The following CEP128 variants were observed in gnomAD, a reference collection of about 807,000 sequenced individuals.
The protein encoded by CEP128 is centrosomal protein 128.
Under a neutral mutation model 156.7 loss-of-function variants are expected in CEP128, and 132 were observed. The ratio of observed to expected loss-of-function variants is 0.84; its 90% CI spans 0.73 to 0.97. The LOEUF is 0.97. Among genes scored for constraint, CEP128 ranks in the 50% least tolerant of loss-of-function variants. CEP128 has a pLI of 0.00. For missense variants in CEP128, 1,252 were observed against 1,281.9 expected (o/e 0.98, Z 0.36); for synonymous variants, 469 against 448.9 (o/e 1.04, Z -0.57).
At chr14:80,694,378 G>C (rs1454694203) in intron 19 of CEP128, among the ~76,000 whole-genome samples, 1 of 152,066 alleles carries the variant, frequency 6.6e-6, no homozygotes, top group Non-Finnish European at 1.5e-5. Flanking sequence ...AATACAATTT[G>C]ACCCACAAAT....
At chr14:80,571,286 T>C (rs1595023707) in intron 20 of CEP128, among the ~76,000 whole-genome samples, 1 of 152,302 alleles carries the variant, frequency 6.6e-6, no homozygotes, top group East Asian at 1.9e-4. Flanking sequence ...ATTGGTTCTT[T>C]TCTCACAGTG....
intron 19 of CEP128, among the ~76,000 whole-genome samples, chr14:80,651,696 G>A (rs988758534): frequency 6.6e-6 from 1 of 152,050 alleles, no homozygotes; most frequent in Non-Finnish European, 1.5e-5. Context: ...TTCAGGAGCA[G>A]GTTGTTCAGT....
chr14:80,512,336 T>C (rs1888299431), intron 23 of CEP128, among the ~76,000 whole-genome samples: 1 of 152,068 alleles, frequency 6.6e-6, no homozygotes, highest in South Asian at 2.1e-4. Context: ...ACCTTGTCTA[T>C]GATAACCTTG....
chr14:80,533,030 C>G (rs1359933320), intron 21 of CEP128, among the ~76,000 whole-genome samples: 22 of 152,168 alleles, frequency 1.4e-4, no homozygotes, highest in Admixed American at 1.4e-3. Flanking sequence ...CTCACTTACA[C>G]TGCCATGCAT....
At chr14:80,817,045 C>T (rs759979586) in intron 13 of CEP128, among the ~76,000 whole-genome samples, 1 of 150,572 alleles carries the variant, frequency 6.6e-6, no homozygotes, top group Non-Finnish European at 1.5e-5. Flanking sequence ...CAGAATTAGA[C>T]CAACCAAAGC....
intron 13 of CEP128, among the ~76,000 whole-genome samples, chr14:80,817,844 A>G (rs1595449413): frequency 6.6e-6 from 1 of 151,640 alleles, no homozygotes; most frequent in East Asian, 1.9e-4. Flanking sequence ...TCGCGCAACT[A>G]CACTCCAGCC....
intron 19 of CEP128, among the ~76,000 whole-genome samples, chr14:80,620,822 G>T (rs139536900): frequency 5.9e-5 from 9 of 152,282 alleles, no homozygotes; most frequent in African/African-American, 2.2e-4. Context: ...TTTTAAGAGT[G>T]CCTACTAAAA....
chr14:80,846,219 G>T (rs563295491), intron 9 of CEP128, among the ~76,000 whole-genome samples: 1 of 152,250 alleles, frequency 6.6e-6, no homozygotes, highest in African/African-American at 2.4e-5. Context: ...TAAAATATGT[G>T]TCAGGCTTAA....
intron 9 of CEP128, among the ~76,000 whole-genome samples, chr14:80,859,355 C>T (rs1412178441): frequency 7.3e-6 from 1 of 136,166 alleles, no homozygotes; most frequent in Admixed American, 8.1e-5. Context: ...AATGAGAACA[C>T]ATGGACACAG....
chr14:80,836,112 G>T, intron 12 of CEP128, 93 bp downstream of exon 12: 1 of 1,148,786 alleles, frequency 8.7e-7, no homozygotes, highest in Non-Finnish European at 1.3e-6. Context: ...CATCACAAAG[G>T]AATGCAATTC....
intron 19 of CEP128, among the ~76,000 whole-genome samples, chr14:80,600,324 C>T (rs1345326687): frequency 6.6e-6 from 1 of 152,096 alleles, no homozygotes; most frequent in Non-Finnish European, 1.5e-5. Context: ...GACATTCACA[C>T]CTAGATACAT....
At chr14:80,539,525 T>C (rs1889643761) in intron 21 of CEP128, among the ~76,000 whole-genome samples, 1 of 152,206 alleles carries the variant, frequency 6.6e-6, no homozygotes, top group Non-Finnish European at 1.5e-5. Flanking sequence ...ATTATCTTCA[T>C]AAGCTGAGGA....
intron 19 of CEP128, among the ~76,000 whole-genome samples, chr14:80,728,264 C>T (rs1397423358): frequency 6.6e-6 from 1 of 152,162 alleles, no homozygotes; most frequent in Non-Finnish European, 1.5e-5. Flanking sequence ...TTCGGGAACA[C>T]AAAACCAAAT....
chr14:80,511,437 A>T (rs1888251704), intron 23 of CEP128, among the ~76,000 whole-genome samples: 2 of 151,970 alleles, frequency 1.3e-5, no homozygotes, highest in African/African-American at 4.8e-5. Context: ...CTGCAGTATC[A>T]GGTGGAAATT....
intron 19 of CEP128, among the ~76,000 whole-genome samples, chr14:80,614,099 T>C (rs1195203538): frequency 1.3e-5 from 2 of 151,834 alleles, no homozygotes; most frequent in Non-Finnish European, 2.9e-5. Context: ...GAGAATGACA[T>C]ATAAAAATTA....
In CEP128 at chr14:80,606,719, C is replaced by T. The variant is rs73328682; in HGVS notation, c.2807-26296G>A. ...TTTAGGAAGGTCTACAAGTTTAGAA[C>T]AGACCTCAAAGGTTCTCTCAAACAA... is the stretch of plus-strand genomic sequence containing the variant. On this transcript the variant is annotated intron_variant, in intron 19 of 24. Coordinates refer to ENST00000555265, the MANE Select transcript of CEP128 (RefSeq NM_152446.5). Among the ~76,000 whole-genome samples, 819 of 152,196 alleles carry T rather than the reference C, an allele frequency of 5.4e-3. 4 individuals are homozygous for T. The highest frequency in any genetic ancestry group is 0.018 in the African/African-American group (759 of 41,536).
intron 7 of CEP128, among the ~76,000 whole-genome samples, chr14:80,899,113 T>C (rs1883379796): frequency 6.6e-6 from 1 of 152,170 alleles, no homozygotes; most frequent in Admixed American, 6.5e-5. Context: ...ATAGAACTAG[T>C]AATAATGGTA....
At position 80,830,934 on chromosome 14, in the gene CEP128, G is replaced by A. The variant is rs140133243; in HGVS notation, c.1209+209C>T. 137 of 485,112 alleles carry A rather than the reference G, an allele frequency of 2.8e-4. 2 individuals carry two copies. The East Asian group carries it at 4.0e-3, about 14-fold the overall frequency. The allele number at this position is 485,112 out of a possible 1,614,324, so 30.1% of individuals were successfully genotyped here. A position where few individuals can be genotyped will look rare whatever the true frequency, so the allele number is the denominator to read the frequency against. On this transcript the variant is annotated intron_variant, in intron 13 of 24. Coordinates refer to ENST00000555265, the MANE Select transcript of CEP128 (RefSeq NM_152446.5). ...TAAAATAATAAAGGAAAATCATCCA[G>A]GTTCCTGGCTTTGGGGTCCTGAATG...
chr14:80,934,117 T>G (rs755617788), intron 2 of CEP128, among the ~76,000 whole-genome samples: 6 of 152,176 alleles, frequency 3.9e-5, no homozygotes, highest in Non-Finnish European at 8.8e-5. Context: ...CTGCAAACAC[T>G]GTGACACACT....
Sources: gnomAD v4.1 joint callset for allele counts (sites outside exome capture counted in the v4.1 genomes callset) on GRCh38, gnomAD v4.1.1 for gene constraint, MANE v1.5 for transcripts, NCBI Gene and HGNC (gene_info 2026-07-23, HGNC 2026-07-21) for gene names.